AFAP1L1: variants seen among roughly 807,000 people sequenced by gnomAD.
The protein encoded by AFAP1L1 is actin filament associated protein 1 like 1, also known as actin filament-associated protein 1-like 1.
In AFAP1L1, 77 loss-of-function variants were observed where a neutral mutation model predicts 99.8. The observed-to-expected ratio is 0.77, with a 90% CI of 0.64 to 0.93. The LOEUF (loss-of-function observed/expected upper bound fraction) is 0.93. AFAP1L1 is among the 40% of genes least tolerant of loss of function. AFAP1L1 has a pLI of 0.00. For synonymous variants in AFAP1L1, 373 were observed against 395.3 expected (o/e 0.94, Z 0.67); for missense variants, 893 against 996.8 (o/e 0.90, Z 1.40).
At chr5:149,308,886 GGA>G (rs1168455799) in intron 7 of AFAP1L1, among the ~76,000 whole-genome samples, 1 of 151,648 alleles carries the variant, frequency 6.6e-6, no homozygotes, top group Non-Finnish European at 1.5e-5. Context: ...CTTGAAGCTA[GGA>G]GTTCGAAACC....
In AFAP1L1 at chr5:149,306,331, T is replaced by C; in HGVS notation, c.462T>C (p.Ile154=). 6.2e-7 allele frequency: 1 copy of C among 1,613,520 alleles called. No homozygotes were observed. Among genetic ancestry groups the C allele is most frequent in the Non-Finnish European group, 8.5e-7 (1 of 1,179,776 alleles). Residue 154 remains isoleucine (I), a synonymous_variant, in exon 6 of 19, where the codon ATT becomes ATC. Transcript: ENST00000296721. Reference sequence around the variant, plus strand: ...ATGGCTGCAGCCCCTCACACTCGATTGTGGATGGCTACTATGAGGACGCAG... The same window carrying C: ...ATGGCTGCAGCCCCTCACACTCGATCGTGGATGGCTACTATGAGGACGCAG... The part of the protein sequence containing the change: ...SHNGCSPSHS[I]VDGYYEDADS...
rs1211687531 is a variant in AFAP1L1, at chr5:149,343,265, ACAGTACAAATAACCCATGTTAT to A, written c.*3236_*3257del. ...GAAAGAAAATGTGACCCAAATAACT[ACAGTACAAATAACCCATGTTAT>A]GACAAGATTCAGAGTGCTCAAGGAA... is the stretch of plus-strand genomic sequence containing the variant. On this transcript the variant is annotated 3_prime_UTR_variant, in exon 19 of 19. Coordinates refer to ENST00000296721, the MANE Select transcript of AFAP1L1 (RefSeq NM_152406.4). Among the ~76,000 whole-genome samples, 21 of 152,180 alleles carry A rather than the reference ACAGTACAAATAACCCATGTTAT, an allele frequency of 1.4e-4. No homozygotes were observed. Among genetic ancestry groups the A allele is most frequent in the Non-Finnish European group, 2.6e-4 (18 of 68,036 alleles).
intron 16 of AFAP1L1, among the ~76,000 whole-genome samples, chr5:149,330,394 G>C (rs1450692309): frequency 6.6e-6 from 1 of 152,190 alleles, no homozygotes; most frequent in East Asian, 1.9e-4. Flanking sequence ...TCACATGCTG[G>C]AGGGAGCAGA....
intron 1 of AFAP1L1, chr5:149,276,687 C>A (rs1356759012): frequency 6.6e-6 from 1 of 152,136 alleles, no homozygotes; most frequent in Non-Finnish European, 1.5e-5. Flanking sequence ...TTCCCACACT[C>A]ACCATTAATA....
At chr5:149,283,556 AT>A (rs969077152) in intron 1 of AFAP1L1, among the ~76,000 whole-genome samples, 13 of 152,006 alleles carry the variant, frequency 8.6e-5, no homozygotes, top group African/African-American at 3.1e-4. Context: ...TAATTTATTC[AT>A]TTTGTTCTCT....
At chr5:149,274,666 G>A (rs1219045902) in intron 1 of AFAP1L1, among the ~76,000 whole-genome samples, 1 of 152,222 alleles carries the variant, frequency 6.6e-6, no homozygotes, top group East Asian at 1.9e-4. Context: ...ATCACTTGAG[G>A]TCAGGAGTTC....
Position 149,299,562 on chromosome 5 carries a change from G to C in AFAP1L1, c.70G>C (p.Glu24Gln). The change falls in exon 2 of 19, where the codon GAG becomes CAG. Residue 24 changes from glutamate to glutamine, a missense_variant. Transcript: ENST00000296721. ...LTGLLSLLDH[E>Q]YLSDTTLEKK... Reference sequence around the variant, plus strand: ...CGGGCTGCTCAGCCTCCTGGACCACGAGTACCTCAGCGATACCACCCTGGA... The same window carrying C: ...CGGGCTGCTCAGCCTCCTGGACCACCAGTACCTCAGCGATACCACCCTGGA... 1 of 1,614,154 alleles carries C rather than the reference G, an allele frequency of 6.2e-7. No homozygotes were observed. The highest frequency in any genetic ancestry group is 8.5e-7 in the Non-Finnish European group (1 of 1,180,014).
At chr5:149,334,872 C>G (rs143469666) in intron 17 of AFAP1L1, among the ~76,000 whole-genome samples, 1 of 151,530 alleles carries the variant, frequency 6.6e-6, no homozygotes, top group Non-Finnish European at 1.5e-5. Flanking sequence ...GAGCAAGACT[C>G]TGTCTTACAA....
At chr5:149,318,441 C>G (rs1756859884) in intron 12 of AFAP1L1, among the ~76,000 whole-genome samples, 1 of 152,178 alleles carries the variant, frequency 6.6e-6, no homozygotes, top group Non-Finnish European at 1.5e-5. Context: ...ACTGCCCCTC[C>G]CATTGAGCAA....
intron 18 of AFAP1L1, among the ~76,000 whole-genome samples, chr5:149,338,983 G>T (rs1757484857): frequency 6.6e-6 from 1 of 152,186 alleles, no homozygotes; most frequent in African/African-American, 2.4e-5. Context: ...TGAGATCAGA[G>T]AAGTAACCAG....
rs989560258 is a variant in AFAP1L1, at chr5:149,342,245, G to T, written c.*2215G>T. On this transcript the variant is annotated 3_prime_UTR_variant, in exon 19 of 19. Coordinates refer to ENST00000296721, the MANE Select transcript of AFAP1L1 (RefSeq NM_152406.4). ...TGGTGCTAACTAACCACTTTTCTAG[G>T]TATTATCCCTTTAGTTTTCACTGAA... 2.6e-5 allele frequency among the ~76,000 whole-genome samples: 4 copies of T among 152,128 alleles called. No homozygotes were observed. The highest frequency in any genetic ancestry group is 2.0e-4 in the Admixed American group (3 of 15,278).
intron 1 of AFAP1L1, among the ~76,000 whole-genome samples, chr5:149,293,154 G>T (rs1755911049): frequency 6.6e-6 from 1 of 152,236 alleles, no homozygotes; most frequent in Non-Finnish European, 1.5e-5. Context: ...TCACAGATGA[G>T]TGAAGAGAGC....
At chr5:149,308,577 C>T (rs1018232984) in intron 7 of AFAP1L1, among the ~76,000 whole-genome samples, 45 of 152,322 alleles carry the variant, frequency 3.0e-4, no homozygotes, top group Admixed American at 1.4e-3. Flanking sequence ...AATAGCTTCT[C>T]TCCCCAGAAA....
At chr5:149,276,179 C>T (rs1189403663) in intron 1 of AFAP1L1, among the ~76,000 whole-genome samples, 1 of 152,214 alleles carries the variant, frequency 6.6e-6, no homozygotes, top group Non-Finnish European at 1.5e-5. Context: ...ATCTCCATGG[C>T]ACTTAAGCTG....
chr5:149,286,571 T>G (rs1216984599), intron 1 of AFAP1L1, among the ~76,000 whole-genome samples: 1 of 152,230 alleles, frequency 6.6e-6, no homozygotes, highest in African/African-American at 2.4e-5. Context: ...AATGCTTTGT[T>G]TTTCTGAATG....
intron 1 of AFAP1L1, among the ~76,000 whole-genome samples, chr5:149,278,913 A>G (rs1183243961): frequency 4.6e-5 from 7 of 152,044 alleles, no homozygotes; most frequent in East Asian, 1.9e-4. Context: ...AAACCCCTCT[A>G]TGAGAGTAAC....
chr5:149,331,497 G>A (rs3104351), intron 16 of AFAP1L1, among the ~76,000 whole-genome samples: 16,670 of 151,850 alleles, frequency 0.11, 1,244 homozygotes, highest in Non-Finnish European at 0.16. Context: ...GCGGGTGCCT[G>A]TAGTCCCAGC....
Sources: allele counts gnomAD v4.1 joint callset (sites outside exome capture counted in the v4.1 genomes callset), GRCh38; gene constraint gnomAD v4.1.1; transcripts MANE v1.5; gene names NCBI Gene and HGNC (gene_info 2026-07-23, HGNC 2026-07-21).